DSCAML1: variants seen among roughly 807,000 people sequenced by gnomAD.
DSCAML1 encodes the protein DS cell adhesion molecule like 1, also known as cell adhesion molecule DSCAML1.
A neutral mutation model predicts 200.5 loss-of-function variants in DSCAML1; 38 were observed. The observed-to-expected ratio is 0.19, with a 90% CI of 0.15 to 0.25. The LOEUF is 0.25. DSCAML1 is among the 10% of genes least tolerant of loss of function. The pLI is 1.00. For synonymous variants in DSCAML1, 1,215 were observed against 1,165.0 expected (o/e 1.04, Z -0.87); for missense variants, 2,223 against 2,858.8 (o/e 0.78, Z 5.07).
intron 3 of DSCAML1, among the ~76,000 whole-genome samples, chr11:117,737,240 C>T (rs1038336267): frequency 1.3e-5 from 2 of 152,234 alleles, no homozygotes; most frequent in Non-Finnish European, 2.9e-5. Flanking sequence ...CTTCTTTCAT[C>T]CTTTCCAGTT....
rs560014506 is a variant in DSCAML1, at chr11:117,505,366, C to T, written c.2062+88G>A. On this transcript the variant is annotated intron_variant, in intron 9 of 32. Coordinates refer to ENST00000651296, the MANE Select transcript of DSCAML1 (RefSeq NM_020693.4). This position sits in a 1 kb window ranked among gnomAD's most constrained non-coding sequence, Gnocchi z 6.7. ...TGCTGGAGCCCACCTTCCATGAGCCCGTGATTGGAACTGGAAATCTAGAGA... is the reference window on the plus strand; with the variant it reads ...TGCTGGAGCCCACCTTCCATGAGCCTGTGATTGGAACTGGAAATCTAGAGA... 7 of 1,523,170 alleles carry T rather than the reference C, an allele frequency of 4.6e-6. No individual in the cohort carries two copies. The highest frequency in any genetic ancestry group is 2.3e-5 in the East Asian group (1 of 43,956). The allele number at this position is 1,523,170 out of a possible 1,614,324, so 94.4% of individuals were successfully genotyped here.
chr11:117,508,848 G>A (rs982643699), intron 8 of DSCAML1, among the ~76,000 whole-genome samples: 2 of 152,148 alleles, frequency 1.3e-5, no homozygotes, highest in African/African-American at 2.4e-5. Flanking sequence ...TTTCCATTGA[G>A]GCCAGAGCCA....
At chr11:117,620,786 C>T (rs2051912640) in intron 3 of DSCAML1, among the ~76,000 whole-genome samples, 1 of 152,132 alleles carries the variant, frequency 6.6e-6, no homozygotes, top group Non-Finnish European at 1.5e-5. Context: ...ATTCCAATTC[C>T]CTTTTCATCA....
At chr11:117,775,636 A>G (rs1418347552) in intron 3 of DSCAML1, among the ~76,000 whole-genome samples, 1 of 152,130 alleles carries the variant, frequency 6.6e-6, no homozygotes, top group African/African-American at 2.4e-5. Context: ...TCAACACGCC[A>G]GAGCATGGTT....
At chr11:117,717,952 GGGAGGAA>G (rs2053980648) in intron 3 of DSCAML1, among the ~76,000 whole-genome samples, 1 of 152,216 alleles carries the variant, frequency 6.6e-6, no homozygotes, top group South Asian at 2.1e-4. Context: ...TCCAGCTTCA[GGGAGGAA>G]TCCTTGGCAT....
At chr11:117,511,665 C>A (rs965994618) in intron 8 of DSCAML1, among the ~76,000 whole-genome samples, 1 of 152,198 alleles carries the variant, frequency 6.6e-6, no homozygotes, top group African/African-American at 2.4e-5. Context: ...TCCACCCTCT[C>A]TCCTCTCTGC....
intron 3 of DSCAML1, among the ~76,000 whole-genome samples, chr11:117,624,747 G>A (rs1217396573): frequency 6.6e-6 from 1 of 152,088 alleles, no homozygotes; most frequent in Non-Finnish European, 1.5e-5. Context: ...GTAAGCCCTG[G>A]GGTCAAATGC....
At chr11:117,815,136 C>T (rs2055794009) in intron 1 of DSCAML1, among the ~76,000 whole-genome samples, 1 of 152,184 alleles carries the variant, frequency 6.6e-6, no homozygotes, top group Non-Finnish European at 1.5e-5. Flanking sequence ...CGGGAGGAAG[C>T]CAAGTGTGTA....
At chr11:117,726,951 C>A (rs1240133895) in intron 3 of DSCAML1, among the ~76,000 whole-genome samples, 1 of 152,050 alleles carries the variant, frequency 6.6e-6, no homozygotes, top group East Asian at 1.9e-4. Flanking sequence ...CCTACTGGGG[C>A]CATAGCATGC....
chr11:117,462,363 C>T (rs888945812), intron 17 of DSCAML1, among the ~76,000 whole-genome samples: 2 of 152,204 alleles, frequency 1.3e-5, no homozygotes, highest in Non-Finnish European at 2.9e-5. Flanking sequence ...GTGCAGCCTG[C>T]CCCTCCTGAG....
At chr11:117,675,474 T>A (rs1197345833) in intron 3 of DSCAML1, among the ~76,000 whole-genome samples, 2 of 132,806 alleles carry the variant, frequency 1.5e-5, no homozygotes, top group Non-Finnish European at 3.2e-5. Flanking sequence ...ATTGAAATTT[T>A]TTTTTTTTTT....
chr11:117,608,958 G>A (rs184912885), intron 3 of DSCAML1, among the ~76,000 whole-genome samples: 11 of 152,108 alleles, frequency 7.2e-5, no homozygotes, highest in African/African-American at 2.2e-4. Context: ...CTTGAGGTCA[G>A]GAGTTTGACA....
chr11:117,559,085 G>A (rs926835275), intron 3 of DSCAML1, among the ~76,000 whole-genome samples: 2 of 151,574 alleles, frequency 1.3e-5, no homozygotes, highest in African/African-American at 4.9e-5. Context: ...AGACGTGGTG[G>A]TCTCCTTCCA....
chr11:117,468,150 C>T (rs1297889830), intron 16 of DSCAML1, among the ~76,000 whole-genome samples: 1 of 152,138 alleles, frequency 6.6e-6, no homozygotes, highest in Non-Finnish European at 1.5e-5. Context: ...TTAAATCAAT[C>T]TTAACAATAT....
chr11:117,589,705 A>G (rs759231885), intron 3 of DSCAML1, among the ~76,000 whole-genome samples: 3 of 152,260 alleles, frequency 2.0e-5, no homozygotes, highest in Admixed American at 1.3e-4. Context: ...GGCAAAGAAC[A>G]TGAGGTACGG....
At chr11:117,492,758 G>C (rs1029197092) in intron 11 of DSCAML1, among the ~76,000 whole-genome samples, 4 of 152,234 alleles carry the variant, frequency 2.6e-5, no homozygotes, top group African/African-American at 7.2e-5. Flanking sequence ...CTCAGCCTTC[G>C]ACGGCAGCGG....
intron 3 of DSCAML1, among the ~76,000 whole-genome samples, chr11:117,567,635 A>C (rs1208866627): frequency 2.0e-5 from 3 of 152,206 alleles, no homozygotes; most frequent in Non-Finnish European, 4.4e-5. Context: ...GAAATGGATA[A>C]ATTCCTCGAC....
chr11:117,693,430 T>G (rs988276411), intron 3 of DSCAML1, among the ~76,000 whole-genome samples: 1 of 152,220 alleles, frequency 6.6e-6, no homozygotes, highest in Non-Finnish European at 1.5e-5. Flanking sequence ...AAAACATGCC[T>G]TCTGGGTTTT....
At chr11:117,704,264 AATTATC>A (rs2053720614) in intron 3 of DSCAML1, among the ~76,000 whole-genome samples, 1 of 151,996 alleles carries the variant, frequency 6.6e-6, no homozygotes, top group Non-Finnish European at 1.5e-5. Context: ...ATAAAAACTT[AATTATC>A]ATTCCTCAGA....
Sources: allele counts gnomAD v4.1 joint callset (sites outside exome capture counted in the v4.1 genomes callset), GRCh38; gene constraint gnomAD v4.1.1; non-coding constraint Gnocchi (gnomAD v3.1); transcripts MANE v1.5; gene names NCBI Gene and HGNC (gene_info 2026-07-23, HGNC 2026-07-21).